The following PICALM variants were observed in gnomAD, a reference collection of about 807,000 sequenced individuals.
PICALM encodes the protein phosphatidylinositol-binding clathrin assembly protein.
PICALM carries 40 observed loss-of-function variants against 80.5 expected under a neutral mutation model. The ratio of observed to expected loss-of-function variants is 0.50; its 90% CI spans 0.39 to 0.65. The LOEUF (loss-of-function observed/expected upper bound fraction) is 0.65, where lower values mean the gene tolerates loss of function less well. Ranked by LOEUF, PICALM falls within the 30% of genes least tolerant of loss-of-function variation. PICALM has a pLI of 0.00. For synonymous variants in PICALM, 288 were observed against 260.3 expected, an observed-to-expected ratio of 1.11 and a Z score of -1.02; for missense variants, 676 against 778.9, an observed-to-expected ratio of 0.87 and a Z score of 1.57.
intron 1 of PICALM, among the ~76,000 whole-genome samples, chr11:86,055,824 G>A (rs922774326): frequency 2.0e-5 from 3 of 151,950 alleles, no homozygotes; most frequent in Non-Finnish European, 2.9e-5. Context: ...TAGATATATC[G>A]AAAGCACAAT....
intron 13 of PICALM, among the ~76,000 whole-genome samples, chr11:85,987,287 GA>G (rs2094601840): frequency 6.6e-6 from 1 of 152,148 alleles, no homozygotes; most frequent in African/African-American, 2.4e-5. Context: ...CAAGGTCAAA[GA>G]TTTAGTAAGC....
Position 86,020,293 on chromosome 11 carries a change from C to A in PICALM, c.452+2074G>T, listed in dbSNP as rs202037948. On this transcript the variant is annotated intron_variant, in intron 4 of 19. Transcript: ENST00000393346. Reference sequence around the variant, plus strand: ...ATTTAATCATTAAGAAGGTAATACTCCCCAAACTGATCTATAGATTCAATG... The same window carrying A: ...ATTTAATCATTAAGAAGGTAATACTACCCAAACTGATCTATAGATTCAATG... Among the ~76,000 whole-genome samples, 7 of 152,170 alleles carry A rather than the reference C, an allele frequency of 4.6e-5. No homozygotes were observed. The East Asian group carries it at 1.2e-3, about 25-fold the overall frequency.
rs575583751 is a variant in PICALM at position 86,025,806 on chromosome 11, G to A, written c.349+486C>T. On this transcript the variant is annotated intron_variant, in intron 3 of 19. Coordinates refer to ENST00000393346, the MANE Select transcript of PICALM (RefSeq NM_007166.4). ...ACACTTGACCTCAAGTGACCCACCC[G>A]CCTCAGCCTCCCAAAGTGCTGCAAT... Among the ~76,000 whole-genome samples, 12 of 152,076 alleles carry A rather than the reference G, an allele frequency of 7.9e-5. No individual in the cohort carries two copies. The South Asian group carries it at 2.1e-3, about 26-fold the overall frequency.
chr11:85,966,966 T>C (rs1158441574), intron 19 of PICALM, among the ~76,000 whole-genome samples: 2 of 152,202 alleles, frequency 1.3e-5, no homozygotes, highest in African/African-American at 4.8e-5. Flanking sequence ...AATTTCTGTT[T>C]TAATTTCTGT....
chr11:86,064,655 A>T (rs1045327332), intron 1 of PICALM, among the ~76,000 whole-genome samples: 11 of 151,732 alleles, frequency 7.2e-5, no homozygotes, highest in Non-Finnish European at 1.6e-4. Context: ...TCATTTTAAA[A>T]AAAAAAAAAA....
intron 9 of PICALM, among the ~76,000 whole-genome samples, chr11:86,001,641 T>A (rs2095148931): frequency 6.6e-6 from 1 of 152,182 alleles, no homozygotes; most frequent in African/African-American, 2.4e-5. Flanking sequence ...TATAACAACA[T>A]CCCCAGAGGA....
At chr11:85,969,594 G>A (rs113797147) in intron 19 of PICALM, 74 of 337,008 alleles carry the variant, frequency 2.2e-4, no homozygotes, top group Non-Finnish European at 3.5e-4. Flanking sequence ...AGCATTCTAC[G>A]GACAAAATTA....
chr11:86,062,785 T>C (rs1449496995), intron 1 of PICALM, among the ~76,000 whole-genome samples: 3 of 152,172 alleles, frequency 2.0e-5, no homozygotes, highest in African/African-American at 2.4e-5. Flanking sequence ...ACAGTGAACA[T>C]ACAAAATACT....
In PICALM at chr11:86,014,847, TAAATTACAAAAGCATA is replaced by T. The variant is rs773661590; in HGVS notation, c.546+7_546+22del. 4.4e-6 allele frequency: 6 copies of T among 1,359,772 alleles called. No homozygotes were observed. The African/African-American group carries it at 9.0e-5, about 20-fold the overall frequency. The allele number at this position is 1,359,772 out of a possible 1,614,324, so 84.2% of individuals were successfully genotyped here. ...ATAATGACCTAATTTTTTAAAATCT[TAAATTACAAAAGCATA>T]ACTCACATTAAAATCAAGAAGTGCA... On this transcript the variant is annotated splice_region_variant and intron_variant, in intron 5 of 19. Transcript: ENST00000393346.
At chr11:86,012,422 T>A in intron 5 of PICALM, 30 bp from the exon 6 acceptor site, 1 of 1,221,440 alleles carries the variant, frequency 8.2e-7, no homozygotes, top group Non-Finnish European at 1.2e-6. Context: ...TAAAATTAGC[T>A]AATCTTAGGT....
intron 18 of PICALM, among the ~76,000 whole-genome samples, chr11:85,975,745 C>T (rs570962279): frequency 4.5e-4 from 69 of 151,880 alleles, no homozygotes; most frequent in Admixed American, 8.5e-4. Context: ...TACAGGTGTG[C>T]GCCACCATAC....
At chr11:86,011,660 C>G (rs1242877894) in intron 6 of PICALM, among the ~76,000 whole-genome samples, 1 of 152,058 alleles carries the variant, frequency 6.6e-6, no homozygotes, top group East Asian at 1.9e-4. Flanking sequence ...TTCCCTATCC[C>G]TATAGATTAA....
intron 1 of PICALM, among the ~76,000 whole-genome samples, chr11:86,039,304 T>A (rs1315467874): frequency 6.6e-6 from 1 of 152,088 alleles, no homozygotes; most frequent in Non-Finnish European, 1.5e-5. Context: ...GACAGGAGGA[T>A]CCCTTGATCC....
At chr11:85,982,423 C>CCTTTTTTTTTTT in intron 14 of PICALM, among the ~76,000 whole-genome samples, 1 of 70,170 alleles carries the variant, frequency 1.4e-5, no homozygotes, top group Non-Finnish European at 2.6e-5. Context: ...ATTTTATAGA[C>CCTTTTTTTTTTT]TTTTTTTTTT....
intron 12 of PICALM, 83 bp downstream of exon 12, chr11:85,996,743 T>TA (rs958049193): frequency 3.6e-6 from 3 of 843,132 alleles, no homozygotes; most frequent in African/African-American, 1.7e-5. Flanking sequence ...TCAAGTGTAA[T>TA]AAAAAACTAC....
rs541245122 is a variant in PICALM, at chr11:86,033,952, C to T, written c.131-2341G>A. On this transcript the variant is annotated intron_variant, in intron 1 of 19. Coordinates refer to ENST00000393346, the MANE Select transcript of PICALM (RefSeq NM_007166.4). ...ATTCCCAAGAGGTTGAAAAACAAAG[C>T]CGAGCCCAATACATGTGCAAATTTT... Among the ~76,000 whole-genome samples, 265 of 152,064 alleles carry T rather than the reference C, an allele frequency of 1.7e-3. 1 individual carries two copies. Among genetic ancestry groups the T allele is most frequent in the Non-Finnish European group, 3.1e-3 (212 of 67,990 alleles).
intron 15 of PICALM, 37 bp downstream of exon 15, chr11:85,981,835 A>C: frequency 6.2e-7 from 1 of 1,612,300 alleles, no homozygotes; most frequent in Non-Finnish European, 8.5e-7. Context: ...TAATAAAACA[A>C]CATAAAAGAA....
Position 86,059,097 on chromosome 11 carries a change from CTA to C in PICALM, c.130+9552_130+9553del, listed in dbSNP as rs546923673. Among the ~76,000 whole-genome samples the C allele has an allele frequency of 2.5e-4, 38 of 152,290 alleles. 1 individual carries two copies. The South Asian group carries it at 7.7e-3, about 31-fold the overall frequency. ...TATGTTTTTATCAATGTTACTGACTCTATATATAAATTTGTAACCAGGCAATT... is the reference window on the plus strand; with the variant it reads ...TATGTTTTTATCAATGTTACTGACTCTATATAAATTTGTAACCAGGCAATT... On this transcript the variant is annotated intron_variant, in intron 1 of 19. Coordinates refer to ENST00000393346, the MANE Select transcript of PICALM (RefSeq NM_007166.4).
chr11:86,015,355 C>CA lies in PICALM; in HGVS notation c.453-393dup, dbSNP rs1160593837. Among the ~76,000 whole-genome samples, 6 of 152,082 alleles carry CA rather than the reference C, an allele frequency of 3.9e-5. 1 individual carries two copies. Among genetic ancestry groups the CA allele is most frequent in the Admixed American group, 2.6e-4 (4 of 15,272 alleles). ...AATAAAATAATCATTTGCCTCAAGT[C>CA]AAAAAACAGTTAAACACTCTGTAGG... On this transcript the variant is annotated intron_variant, in intron 4 of 19. Coordinates refer to ENST00000393346, the MANE Select transcript of PICALM (RefSeq NM_007166.4).
Sources: allele counts gnomAD v4.1 joint callset (sites outside exome capture counted in the v4.1 genomes callset), GRCh38; gene constraint gnomAD v4.1.1; transcripts MANE v1.5; gene names NCBI Gene and HGNC (gene_info 2026-07-23, HGNC 2026-07-21).